The following KALRN variants were observed in gnomAD, a reference collection of about 807,000 sequenced individuals.
KALRN encodes the protein kalirin.
Under a neutral mutation model 353.7 loss-of-function variants are expected in KALRN, and 70 were observed. That is an observed-to-expected ratio of 0.20 (90% CI 0.16 to 0.24). KALRN has a LOEUF of 0.24. Among genes scored for constraint, KALRN ranks in the 10% least tolerant of loss-of-function variants. The probability of loss-of-function intolerance (pLI) is 1.00; values close to 1 mark genes in which losing one functional copy is unlikely to be tolerated. For synonymous variants in KALRN, 1,391 were observed against 1,434.8 expected (o/e 0.97, Z 0.69); for missense variants, 2,791 against 3,756.7 (o/e 0.74, Z 6.72).
chr3:124,175,391 C>T (rs1331801832), intron 1 of KALRN, among the ~76,000 whole-genome samples: 4 of 151,324 alleles, frequency 2.6e-5, no homozygotes, highest in Admixed American at 6.6e-5. Flanking sequence ...TGCGAAGTGT[C>T]CAGGCCTACT....
chr3:124,447,862 C>A lies in KALRN; in HGVS notation c.3552+977C>A, dbSNP rs990730649. Among the ~76,000 whole-genome samples the A allele has an allele frequency of 2.0e-5, 3 of 152,154 alleles. No individual in the cohort carries two copies. The South Asian group carries it at 6.2e-4, about 32-fold the overall frequency. On this transcript the variant is annotated intron_variant, in intron 21 of 59. Coordinates refer to ENST00000682506, the MANE Select transcript of KALRN (RefSeq NM_001388419.1). Reference sequence around the variant, plus strand: ...CCCTGCATCCTTGTGAATTTTGGGCCTTTTTGTCTAATGCAAAAAGCTATG... The same window carrying A: ...CCCTGCATCCTTGTGAATTTTGGGCATTTTTGTCTAATGCAAAAAGCTATG...
intron 9 of KALRN, among the ~76,000 whole-genome samples, chr3:124,340,017 A>G (rs2081525829): frequency 6.6e-6 from 1 of 152,150 alleles, no homozygotes; most frequent in South Asian, 2.1e-4. Context: ...TTCAAATTAT[A>G]TGTGTTATTC....
intron 34 of KALRN, among the ~76,000 whole-genome samples, chr3:124,592,585 GTTC>G (rs34463593): frequency 0.15 from 23,312 of 152,044 alleles, 1,913 homozygotes; most frequent in Middle Eastern, 0.19. Context: ...GGCTTTGTTG[GTTC>G]TTCTTCAGAC....
chr3:124,271,845 A>G (rs903758400), intron 5 of KALRN, among the ~76,000 whole-genome samples: 1 of 152,182 alleles, frequency 6.6e-6, no homozygotes, highest in Non-Finnish European at 1.5e-5. Context: ...AAGCATATGG[A>G]CCCCTTCTCA....
At chr3:124,627,090 C>CA (rs1474499534) in intron 34 of KALRN, among the ~76,000 whole-genome samples, 1 of 152,048 alleles carries the variant, frequency 6.6e-6, no homozygotes, top group Admixed American at 6.5e-5. Flanking sequence ...AGCCATTTTC[C>CA]AAAAAAGATG....
At chr3:124,396,096 A>G (rs1295946560) in intron 12 of KALRN, among the ~76,000 whole-genome samples, 8 of 152,116 alleles carry the variant, frequency 5.3e-5, no homozygotes, top group Non-Finnish European at 1.2e-4. Context: ...GGTGCTGTAT[A>G]AATAGGATTT....
chr3:124,350,450 A>G (rs1404576834), intron 10 of KALRN, among the ~76,000 whole-genome samples: 1 of 152,194 alleles, frequency 6.6e-6, no homozygotes, highest in African/African-American at 2.4e-5. Flanking sequence ...CATGTGCCCA[A>G]GTCATCCAGC....
chr3:124,494,262 A>T (rs1452545211), intron 32 of KALRN, among the ~76,000 whole-genome samples: 1 of 152,242 alleles, frequency 6.6e-6, no homozygotes, highest in Non-Finnish European at 1.5e-5. Flanking sequence ...AGCAGTCTTT[A>T]ATTCCGTTAT....
intron 10 of KALRN, among the ~76,000 whole-genome samples, chr3:124,364,376 C>T (rs1281107038): frequency 1.3e-5 from 2 of 152,188 alleles, no homozygotes; most frequent in African/African-American, 2.4e-5. Context: ...TCTCATGGTC[C>T]AATCTTCAGC....
chr3:124,456,493 A>C, intron 22 of KALRN, 117 bp from the exon 23 acceptor site: 2 of 633,592 alleles, frequency 3.2e-6, no homozygotes, highest in South Asian at 4.0e-5. Context: ...AAGATCCCTC[A>C]TGTTTTTATC....
intron 5 of KALRN, among the ~76,000 whole-genome samples, chr3:124,278,303 G>A (rs552026414): frequency 5.9e-5 from 9 of 152,246 alleles, no homozygotes; most frequent in South Asian, 4.2e-4. Flanking sequence ...TTCTGGGTGG[G>A]GTAGGGCTGG....
Position 124,679,525 on chromosome 3 carries a change from C to A in KALRN, c.7377+8C>A. ...CCTAATACTAGCATGGAGGTAGAAG[C>A]AGCTATTGTTGTCCTATTTCCTACA... On this transcript the variant is annotated splice_region_variant and intron_variant, in intron 51 of 59. Coordinates refer to ENST00000682506, the MANE Select transcript of KALRN (RefSeq NM_001388419.1). 1 of 1,610,930 alleles carries A rather than the reference C, an allele frequency of 6.2e-7. No homozygotes were observed.
intron 4 of KALRN, 93 bp downstream of exon 4, chr3:124,264,783 T>G: frequency 9.2e-7 from 1 of 1,087,422 alleles, no homozygotes; most frequent in African/African-American, 1.5e-5. Context: ...TACCATACAG[T>G]ATGTGACACC....
chr3:124,337,068 G>C (rs1412915949), intron 9 of KALRN, among the ~76,000 whole-genome samples: 1 of 152,104 alleles, frequency 6.6e-6, no homozygotes, highest in Non-Finnish European at 1.5e-5. Flanking sequence ...CCGAGACGAT[G>C]GGGTTTTCTA....
At chr3:124,524,910 G>A (rs1416447602) in intron 33 of KALRN, among the ~76,000 whole-genome samples, 1 of 152,238 alleles carries the variant, frequency 6.6e-6, no homozygotes, top group East Asian at 1.9e-4. Context: ...GGAGCTACCT[G>A]AAGGTGTAGC....
At chr3:124,238,090 G>A (rs1310492030) in intron 3 of KALRN, among the ~76,000 whole-genome samples, 1 of 152,180 alleles carries the variant, frequency 6.6e-6, no homozygotes, top group African/African-American at 2.4e-5. Flanking sequence ...ATTCAACTCT[G>A]TAACATTCAT....
chr3:124,565,337 A>G (rs2072672959), intron 34 of KALRN, among the ~76,000 whole-genome samples: 1 of 152,236 alleles, frequency 6.6e-6, no homozygotes. Flanking sequence ...TTGCAGGCAC[A>G]AGAGGAAAAT....
intron 37 of KALRN, among the ~76,000 whole-genome samples, chr3:124,643,583 G>A (rs914900861): frequency 1.3e-5 from 2 of 152,302 alleles, no homozygotes; most frequent in African/African-American, 2.4e-5. Context: ...CTGGGCTCAA[G>A]CAATCTTTTC....
At chr3:124,256,896 G>T (rs1463594835) in intron 3 of KALRN, among the ~76,000 whole-genome samples, 5 of 152,218 alleles carry the variant, frequency 3.3e-5, no homozygotes, top group Admixed American at 6.5e-5. Context: ...TTCAGTAGGT[G>T]TCTGAGCACA....
Sources: gnomAD v4.1 joint callset for allele counts (sites outside exome capture counted in the v4.1 genomes callset) on GRCh38, gnomAD v4.1.1 for gene constraint, MANE v1.5 for transcripts, NCBI Gene and HGNC (gene_info 2026-07-23, HGNC 2026-07-21) for gene names.